PLOD2: variants seen among roughly 807,000 people sequenced by gnomAD.
PLOD2 encodes lysine hydroxylase 2.
A neutral mutation model predicts 101.0 loss-of-function variants in PLOD2; 65 were observed. The observed-to-expected ratio is 0.64, with a 90% CI of 0.53 to 0.79. The LOEUF (loss-of-function observed/expected upper bound fraction) is 0.79, where lower values mean the gene tolerates loss of function less well. PLOD2 is among the 30% of genes least tolerant of loss of function. The probability of loss-of-function intolerance (pLI) is 0.00; values close to 1 mark genes in which losing one functional copy is unlikely to be tolerated. For synonymous variants in PLOD2, 314 were observed against 302.9 expected, an observed-to-expected ratio of 1.04 and a Z score of -0.38; for missense variants, 909 against 914.6, an observed-to-expected ratio of 0.99 and a Z score of 0.08.
intron 7 of PLOD2, among the ~76,000 whole-genome samples, chr3:146,099,984 G>A (rs1025559662): frequency 3.3e-5 from 5 of 151,212 alleles, no homozygotes; most frequent in African/African-American, 9.7e-5. Flanking sequence ...GGGTTGAAGC[G>A]ATTCTCCTGC....
chr3:146,075,765 A>G (rs748344523), intron 15 of PLOD2, among the ~76,000 whole-genome samples: 33 of 151,720 alleles, frequency 2.2e-4, no homozygotes, highest in Non-Finnish European at 4.4e-4. Flanking sequence ...GGTGCTTTTG[A>G]ATACACAAAA....
At chr3:146,091,959 A>C (rs924514852) in intron 7 of PLOD2, 58 bp from the exon 8 acceptor site, 2 of 897,056 alleles carry the variant, frequency 2.2e-6, no homozygotes, top group Non-Finnish European at 3.8e-6. Flanking sequence ...GTGTGGTTTC[A>C]TTCTATAATC....
rs1042009790 is a variant in PLOD2, at chr3:146,156,169, C to T, written c.109+4712G>A. On this transcript the variant is annotated intron_variant, in intron 1 of 19. Transcript: ENST00000282903. ...GAACGCAAAACACCACAGGAATCAC[C>T]GGCAAATTCTAAAATGAAAAACAGG... 7.2e-5 allele frequency among the ~76,000 whole-genome samples: 11 copies of T among 152,150 alleles called. No homozygotes were observed. The East Asian group carries it at 1.9e-3, about 27-fold the overall frequency.
intron 1 of PLOD2, among the ~76,000 whole-genome samples, chr3:146,131,774 AAGTACTG>A (rs1259529699): frequency 6.6e-6 from 1 of 152,216 alleles, no homozygotes; most frequent in African/African-American, 2.4e-5. Context: ...TTGCTTTGTT[AAGTACTG>A]AGTCACCAAA....
intron 1 of PLOD2, among the ~76,000 whole-genome samples, chr3:146,155,217 G>A (rs1174363440): frequency 1.3e-5 from 2 of 152,076 alleles, no homozygotes; most frequent in Non-Finnish European, 2.9e-5. Flanking sequence ...CTACTTGGGA[G>A]GCTGAGGTGA....
chr3:146,119,251 G>A (rs1400856185), intron 3 of PLOD2, among the ~76,000 whole-genome samples: 1 of 151,984 alleles, frequency 6.6e-6, no homozygotes, highest in African/African-American at 2.4e-5. Context: ...TTTGCCTTCT[G>A]CCATGATCCT....
intron 2 of PLOD2, among the ~76,000 whole-genome samples, 157 bp downstream of exon 2, chr3:146,123,981 A>C (rs1393238679): frequency 6.6e-6 from 1 of 152,034 alleles, no homozygotes; most frequent in African/African-American, 2.4e-5. Flanking sequence ...TCTTTGTGTT[A>C]GGAAATATTA....
Position 146,073,359 on chromosome 3 carries a change from AAAG to A in PLOD2, c.1678-10_1678-8del. 9.7e-7 allele frequency: 1 copy of A among 1,027,422 alleles called. No homozygotes were observed. Among genetic ancestry groups the A allele is most frequent in the Non-Finnish European group, 1.5e-6 (1 of 679,286 alleles). 63.6% of individuals were successfully genotyped at this position (1,027,422 alleles called of 1,614,324 possible). On this transcript the variant is annotated splice_polypyrimidine_tract_variant and splice_region_variant and intron_variant, in intron 15 of 19. Transcript: ENST00000282903. ...TATACTTTTCCTTCCAGTCCTATAA[AAAG>A]AAGTACATATTAAAACAAATATCTT...
At chr3:146,108,601 GC>G (rs1237381918) in intron 4 of PLOD2, among the ~76,000 whole-genome samples, 1 of 152,036 alleles carries the variant, frequency 6.6e-6, no homozygotes, top group Non-Finnish European at 1.5e-5. Flanking sequence ...TATATTTTCT[GC>G]CCTTCTCTAA....
chr3:146,104,020 T>A (rs1937485904), intron 6 of PLOD2, among the ~76,000 whole-genome samples: 1 of 152,200 alleles, frequency 6.6e-6, no homozygotes, highest in Non-Finnish European at 1.5e-5. Context: ...TTATCTAAAA[T>A]TCCCAAATGG....
At chr3:146,139,391 T>C (rs2031409098) in intron 1 of PLOD2, among the ~76,000 whole-genome samples, 1 of 152,172 alleles carries the variant, frequency 6.6e-6, no homozygotes, top group South Asian at 2.1e-4. Context: ...TTTTAAGAAA[T>C]GTTTAAAGTA....
At chr3:146,151,325 C>T (rs984224175) in intron 1 of PLOD2, among the ~76,000 whole-genome samples, 1 of 152,036 alleles carries the variant, frequency 6.6e-6, no homozygotes, top group African/African-American at 2.4e-5. Flanking sequence ...TAGAGAAACC[C>T]GGTCTCTTCT....
intron 4 of PLOD2, among the ~76,000 whole-genome samples, chr3:146,107,937 C>A (rs915080561): frequency 2.4e-4 from 36 of 151,934 alleles, no homozygotes; most frequent in Admixed American, 6.6e-5. Flanking sequence ...AGCCACCATG[C>A]CTGGCATCAA....
intron 1 of PLOD2, among the ~76,000 whole-genome samples, chr3:146,157,172 C>T (rs533704131): frequency 3.9e-4 from 60 of 152,282 alleles, no homozygotes; most frequent in East Asian, 2.7e-3. Flanking sequence ...ATTGACTGCA[C>T]GCTACTTTTC....
intron 7 of PLOD2, among the ~76,000 whole-genome samples, chr3:146,096,982 C>T (rs1450771439): frequency 6.8e-6 from 1 of 148,134 alleles, no homozygotes; most frequent in African/African-American, 2.5e-5. Context: ...GGCCAGCCGC[C>T]CCGGCCGGGA....
chr3:146,102,929 GTA>G, intron 6 of PLOD2, 77 bp from the exon 7 acceptor site: 1 of 751,554 alleles, frequency 1.3e-6, no homozygotes, highest in Non-Finnish European at 2.4e-6. Context: ...GTCTGTGTGT[GTA>G]TGTGTGTGTA....
At chr3:146,151,701 G>A (rs1383302903) in intron 1 of PLOD2, among the ~76,000 whole-genome samples, 6 of 152,074 alleles carry the variant, frequency 3.9e-5, no homozygotes, top group South Asian at 2.1e-4. Flanking sequence ...GATTTGCTCC[G>A]TTTTATACAT....
At chr3:146,083,871 A>G (rs1488803731) in intron 11 of PLOD2, among the ~76,000 whole-genome samples, 1 of 151,382 alleles carries the variant, frequency 6.6e-6, no homozygotes, top group African/African-American at 2.4e-5. Flanking sequence ...GTGAGCCACC[A>G]CACCCGGCCG....
intron 1 of PLOD2, among the ~76,000 whole-genome samples, chr3:146,136,351 T>C (rs1356324493): frequency 1.3e-5 from 2 of 152,132 alleles, no homozygotes; most frequent in Non-Finnish European, 2.9e-5. Context: ...CTAAAACTTT[T>C]TGAGTGCTGA....
Sources: gnomAD v4.1 joint callset for allele counts (sites outside exome capture counted in the v4.1 genomes callset) on GRCh38, gnomAD v4.1.1 for gene constraint, MANE v1.5 for transcripts, NCBI Gene and HGNC (gene_info 2026-07-23, HGNC 2026-07-21) for gene names.